The following RIMBP2 variants were observed in gnomAD, a reference collection of about 807,000 sequenced individuals.
RIMBP2 encodes RIMS binding protein 2.
In RIMBP2, 48 loss-of-function variants were observed where a neutral mutation model predicts 118.6. That is an observed-to-expected ratio of 0.40 (90% CI 0.32 to 0.51). The LOEUF (loss-of-function observed/expected upper bound fraction) is 0.51. RIMBP2 is among the 20% of genes least tolerant of loss of function. The pLI, the probability that RIMBP2 is intolerant of heterozygous loss-of-function variation, is 0.41. For missense variants in RIMBP2, 1,551 were observed against 1,768.3 expected (o/e 0.88, Z 2.20); for synonymous variants, 762 against 742.9 (o/e 1.03, Z -0.42).
At chr12:130,600,585 T>C (rs893373326) in intron 2 of RIMBP2, among the ~76,000 whole-genome samples, 1 of 149,756 alleles carries the variant, frequency 6.7e-6, no homozygotes, top group Non-Finnish European at 1.5e-5. Flanking sequence ...CCCCTCTGGC[T>C]GGAAGGATGT....
chr12:130,618,613 C>T (rs2061107366), intron 2 of RIMBP2, among the ~76,000 whole-genome samples: 1 of 152,138 alleles, frequency 6.6e-6, no homozygotes, highest in Non-Finnish European at 1.5e-5. Context: ...TGCGGCTCTT[C>T]CTGCTCACAG....
chr12:130,641,710 G>A (rs1162835085), intron 1 of RIMBP2, among the ~76,000 whole-genome samples: 2 of 152,168 alleles, frequency 1.3e-5, no homozygotes, highest in East Asian at 1.9e-4. Flanking sequence ...AGAGGTGGCC[G>A]TGCTGAGAGC....
At chr12:130,471,715 A>ATGCTCCTGC (rs1282628264) in intron 5 of RIMBP2, 1 of 152,412 alleles carries the variant, frequency 6.6e-6, no homozygotes, top group African/African-American at 2.4e-5. Flanking sequence ...ATCCCCCCAG[A>ATGCTCCTGC]TGCTCCTGCT....
intron 2 of RIMBP2, among the ~76,000 whole-genome samples, chr12:130,529,074 A>G (rs138545903): frequency 2.2e-3 from 329 of 152,334 alleles, no homozygotes; most frequent in Non-Finnish European, 3.5e-3. Context: ...TGAATGGATA[A>G]GCCAAATGTG....
chr12:130,565,377 C>T (rs2057139673), intron 2 of RIMBP2, among the ~76,000 whole-genome samples: 1 of 152,172 alleles, frequency 6.6e-6, no homozygotes, highest in Non-Finnish European at 1.5e-5. Context: ...AGCACTTCCA[C>T]TCTCAAACTA....
At chr12:130,543,263 T>C (rs1161243624) in intron 2 of RIMBP2, among the ~76,000 whole-genome samples, 1 of 152,190 alleles carries the variant, frequency 6.6e-6, no homozygotes, top group Non-Finnish European at 1.5e-5. Context: ...CCCATTATCT[T>C]ACTATTTGAA....
At chr12:130,589,965 C>G (rs1265319096) in intron 2 of RIMBP2, among the ~76,000 whole-genome samples, 1 of 152,190 alleles carries the variant, frequency 6.6e-6, no homozygotes, top group East Asian at 1.9e-4. Flanking sequence ...CCCCCTCGGG[C>G]TCCCCAGGTG....
rs570927019 is a variant in RIMBP2 at position 130,412,753 on chromosome 12, C to T, written c.3455G>A (p.Arg1152His). 39 of 1,613,786 alleles carry T rather than the reference C, an allele frequency of 2.4e-5. No homozygotes were observed. The highest frequency in any genetic ancestry group is 1.6e-4 in the Middle Eastern group (1 of 6,062). The change falls in exon 19 of 23, where the codon CGT (arginine) becomes CAT (histidine). Residue 1152 changes from arginine to histidine, a missense_variant. Coordinates refer to ENST00000690449, the MANE Select transcript of RIMBP2 (RefSeq NM_001393629.1). ...YGDKDADGFY[R>H]GETCARLGLI... ...GCCAAGCCGGGCACAGGTTTCCCCA[C>T]GGTAGAATCCATCAGCGTCTTTATC...
chr12:130,488,427 G>T (rs1018578059), intron 4 of RIMBP2, among the ~76,000 whole-genome samples: 1 of 151,988 alleles, frequency 6.6e-6, no homozygotes, highest in Non-Finnish European at 1.5e-5. Context: ...TCAGGGGGTG[G>T]TGGGGGCCGT....
intron 4 of RIMBP2, among the ~76,000 whole-genome samples, chr12:130,494,903 G>A (rs528139532): frequency 6.6e-6 from 1 of 152,328 alleles, no homozygotes; most frequent in East Asian, 1.9e-4. Context: ...TGAAATCCAG[G>A]TGTCGGCAGG....
At chr12:130,700,661 G>A (rs2065814074) in intron 1 of RIMBP2, among the ~76,000 whole-genome samples, 1 of 152,232 alleles carries the variant, frequency 6.6e-6, no homozygotes, top group African/African-American at 2.4e-5. Context: ...CCACCCTGGA[G>A]CACAGCCCTG....
chr12:130,612,252 C>T (rs908419306), intron 2 of RIMBP2, among the ~76,000 whole-genome samples: 4 of 152,158 alleles, frequency 2.6e-5, no homozygotes, highest in Admixed American at 2.0e-4. Context: ...TCACCTTCCA[C>T]GGTGAAAACA....
intron 3 of RIMBP2, among the ~76,000 whole-genome samples, chr12:130,508,767 G>A (rs1017711152): frequency 7.9e-5 from 12 of 152,186 alleles, no homozygotes; most frequent in Non-Finnish European, 1.0e-4. Flanking sequence ...CCCATCATCA[G>A]CGCCCAGAGG....
In RIMBP2 at chr12:130,446,918, G is replaced by T. The variant is rs563556850; in HGVS notation, c.582-1649C>A. On this transcript the variant is annotated intron_variant, in intron 9 of 22. Transcript: ENST00000690449. The surrounding 1 kb of genome is among the most constrained non-coding windows in gnomAD (Gnocchi z 4.1). ...GGAAATGCGGGTTGCCTGGCTGCAG[G>T]GATGAGGGACTGAGGTGCAGGAGGA... Among the ~76,000 whole-genome samples, 80 of 152,024 alleles carry T rather than the reference G, an allele frequency of 5.3e-4. No homozygotes were observed. The highest frequency in any genetic ancestry group is 1.8e-3 in the African/African-American group (73 of 41,442).
At chr12:130,651,817 T>C (rs2063243730) in intron 1 of RIMBP2, among the ~76,000 whole-genome samples, 1 of 152,252 alleles carries the variant, frequency 6.6e-6, no homozygotes, top group Non-Finnish European at 1.5e-5. Flanking sequence ...TACTCTTCGT[T>C]GAGAGACTGA....
intron 21 of RIMBP2, among the ~76,000 whole-genome samples, chr12:130,402,794 C>A (rs935574274): frequency 2.0e-5 from 3 of 152,220 alleles, no homozygotes; most frequent in African/African-American, 7.2e-5. Context: ...GCACACTCCT[C>A]TGGATTATCT....
At chr12:130,491,287 A>G (rs2048617020) in intron 4 of RIMBP2, among the ~76,000 whole-genome samples, 1 of 152,196 alleles carries the variant, frequency 6.6e-6, no homozygotes, top group South Asian at 2.1e-4. Context: ...AACGTGTTCA[A>G]GTTTGCCCAG....
At position 130,447,073 on chromosome 12, in the gene RIMBP2, G is replaced by A. The variant is rs1045452269; in HGVS notation, c.582-1804C>T. 2.0e-5 allele frequency among the ~76,000 whole-genome samples: 3 copies of A among 151,056 alleles called. No individual in the cohort carries two copies. In the Admixed American group the frequency reaches 2.0e-4, roughly 10 times the overall value. The stretch of plus-strand genomic sequence containing the variant: ...CACAGAAGCTGGCAGAGTGTTCTCG[G>A]AGGAGGAGGAGGAGGAGGAGGGAGC... On this transcript the variant is annotated intron_variant, in intron 9 of 22. Transcript: ENST00000690449. The surrounding 1 kb of genome is among the most constrained non-coding windows in gnomAD (Gnocchi z 4.4).
At chr12:130,432,128 C>T in intron 14 of RIMBP2, 1 of 425,234 alleles carries the variant, frequency 2.4e-6, no homozygotes. Flanking sequence ...AGCCTTTCCT[C>T]CGGGTTTGTA....
Sources: allele counts gnomAD v4.1 joint callset (sites outside exome capture counted in the v4.1 genomes callset), GRCh38; gene constraint gnomAD v4.1.1; non-coding constraint Gnocchi (gnomAD v3.1); transcripts MANE v1.5; gene names NCBI Gene and HGNC (gene_info 2026-07-23, HGNC 2026-07-21).